TUFT1: variants seen among roughly 807,000 people sequenced by gnomAD.
The protein encoded by TUFT1 is tuftelin 1.
A neutral mutation model predicts 57.8 loss-of-function variants in TUFT1; 43 were observed. That is an observed-to-expected ratio of 0.74 (90% confidence interval 0.58 to 0.96). The LOEUF (loss-of-function observed/expected upper bound fraction) is 0.96, where lower values mean the gene tolerates loss of function less well. Among genes scored for constraint, TUFT1 ranks in the 40% least tolerant of loss-of-function variants. The pLI, the probability that TUFT1 is intolerant of heterozygous loss-of-function variation, is 0.00. For synonymous variants in TUFT1, 166 were observed against 176.7 expected (o/e 0.94, Z 0.48); for missense variants, 459 against 489.0 (o/e 0.94, Z 0.58).
At chr1:151,572,783 G>A (rs553886561) in intron 7 of TUFT1, among the ~76,000 whole-genome samples, 7 of 152,312 alleles carry the variant, frequency 4.6e-5, no homozygotes, top group African/African-American at 1.4e-4. Flanking sequence ...CATGGCTGGT[G>A]TGTAGCATGG....
At chr1:151,581,150 C>A in intron 12 of TUFT1, 108 bp downstream of exon 12, 1 of 1,025,172 alleles carries the variant, frequency 9.8e-7, no homozygotes, top group Non-Finnish European at 1.4e-6. Context: ...CCTTTAAATC[C>A]AACTTTCCTC....
intron 5 of TUFT1, 126 bp downstream of exon 5, chr1:151,564,740 G>T: frequency 1.3e-6 from 1 of 788,518 alleles, no homozygotes; most frequent in South Asian, 1.7e-5. Context: ...GAAAATAGAG[G>T]TGATGCTGGC....
intron 5 of TUFT1, among the ~76,000 whole-genome samples, chr1:151,565,437 C>A (rs1218640478): frequency 6.6e-6 from 1 of 152,234 alleles, no homozygotes; most frequent in African/African-American, 2.4e-5. Context: ...GAACAGTGGC[C>A]CAGCAGCTGG....
intron 9 of TUFT1, among the ~76,000 whole-genome samples, chr1:151,576,506 G>C (rs1205903495): frequency 6.6e-6 from 1 of 152,158 alleles, no homozygotes; most frequent in African/African-American, 2.4e-5. Context: ...ACAAGTAGTG[G>C]GGTCTAGGGT....
intron 1 of TUFT1, among the ~76,000 whole-genome samples, chr1:151,549,931 A>G (rs1571688322): frequency 1.3e-5 from 2 of 152,188 alleles, no homozygotes; most frequent in South Asian, 4.1e-4. Flanking sequence ...TATGTTGCCC[A>G]GGCTGGTCTC....
intron 1 of TUFT1, 71 bp downstream of exon 1, chr1:151,540,497 C>A: frequency 1.9e-6 from 3 of 1,579,328 alleles, no homozygotes; most frequent in Non-Finnish European, 2.6e-6. Flanking sequence ...CTTCCGTGCC[C>A]CGCGCCGTGT....
chr1:151,574,030 TC>T (rs1666357616), intron 7 of TUFT1, among the ~76,000 whole-genome samples: 1 of 152,094 alleles, frequency 6.6e-6, no homozygotes, highest in African/African-American at 2.4e-5. Context: ...GTTCCAGGTG[TC>T]ACTTTAAAGT....
chr1:151,566,270 G>A (rs1275807753), intron 6 of TUFT1, 42 bp downstream of exon 6: 2 of 1,548,766 alleles, frequency 1.3e-6, no homozygotes, highest in African/African-American at 1.4e-5. Flanking sequence ...CTTAGCCAGG[G>A]GCAGGATTGC....
chr1:151,566,739 A>G (rs1399740136), intron 6 of TUFT1, among the ~76,000 whole-genome samples: 10 of 152,180 alleles, frequency 6.6e-5, no homozygotes, highest in Non-Finnish European at 2.9e-5. Context: ...TATATAATAT[A>G]CATGTGCTTT....
At chr1:151,561,693 CA>C (rs760936399) in intron 1 of TUFT1, 6 of 1,286,086 alleles carry the variant, frequency 4.7e-6, no homozygotes, top group Non-Finnish European at 6.1e-6. Flanking sequence ...TAAAGTGCAT[CA>C]ATAACTTGCT....
At chr1:151,571,067 T>C (rs948997740) in intron 7 of TUFT1, among the ~76,000 whole-genome samples, 2 of 152,230 alleles carry the variant, frequency 1.3e-5, no homozygotes, top group African/African-American at 4.8e-5. Context: ...CTTTTGTTCT[T>C]CCACAAGTAA....
At chr1:151,577,221 G>A (rs372003615) in intron 9 of TUFT1, among the ~76,000 whole-genome samples, 1 of 152,180 alleles carries the variant, frequency 6.6e-6, no homozygotes, top group East Asian at 1.9e-4. Context: ...TTCTTGTGGC[G>A]GTTCATTACA....
Position 151,574,869 on chromosome 1 carries a change from T to C in TUFT1, c.724-42T>C. On this transcript the variant is annotated intron_variant, in intron 8 of 12. Transcript: ENST00000368849. ...ATCTTAGCCCAAACGCAGAAACTGT[T>C]GCCATCTTCTCATCCTAGATTTTCT... 4.6e-6 allele frequency: 7 copies of C among 1,509,796 alleles called. No homozygotes were observed. The South Asian group carries it at 7.2e-5, about 16-fold the overall frequency. The allele number at this position is 1,509,796 out of a possible 1,614,324, so 93.5% of individuals were successfully genotyped here. A position where few individuals can be genotyped will look rare whatever the true frequency, so the allele number is the denominator to read the frequency against.
At chr1:151,578,858 G>A in intron 10 of TUFT1, 32 bp downstream of exon 10, 1 of 1,509,206 alleles carries the variant, frequency 6.6e-7, no homozygotes, top group Non-Finnish European at 9.0e-7. Context: ...CCTGCCCTCG[G>A]GGAGTCACCC....
chr1:151,561,977 G>A, intron 1 of TUFT1, 114 bp from the exon 2 acceptor site: 1 of 1,472,726 alleles, frequency 6.8e-7, no homozygotes, highest in Non-Finnish European at 9.4e-7. Flanking sequence ...CTGTGAAGTG[G>A]TGATGATAAG....
At chr1:151,560,647 T>G (rs1005907614) in intron 1 of TUFT1, among the ~76,000 whole-genome samples, 1 of 152,184 alleles carries the variant, frequency 6.6e-6, no homozygotes, top group African/African-American at 2.4e-5. Context: ...AAGATCACTT[T>G]CATTCTTGGA....
intron 6 of TUFT1, among the ~76,000 whole-genome samples, chr1:151,568,900 G>C (rs960025815): frequency 3.3e-5 from 5 of 152,148 alleles, no homozygotes; most frequent in Non-Finnish European, 7.3e-5. Flanking sequence ...AGAAATGAAG[G>C]CCCACAGGAC....
chr1:151,564,728 G>A, intron 5 of TUFT1, 114 bp downstream of exon 5: 1 of 860,512 alleles, frequency 1.2e-6, no homozygotes, highest in Admixed American at 2.2e-5. Flanking sequence ...GCCAGGAATG[G>A]AGAAAATAGA....
intron 5 of TUFT1, among the ~76,000 whole-genome samples, chr1:151,565,224 A>G (rs914397663): frequency 6.6e-6 from 1 of 152,208 alleles, no homozygotes; most frequent in African/African-American, 2.4e-5. Flanking sequence ...AGATTGGGTA[A>G]GTCTTTCCTG....
Sources: allele counts gnomAD v4.1 joint callset (sites outside exome capture counted in the v4.1 genomes callset), GRCh38; gene constraint gnomAD v4.1.1; transcripts MANE v1.5; gene names NCBI Gene and HGNC (gene_info 2026-07-23, HGNC 2026-07-21).